ABCA5: variants seen among roughly 807,000 people sequenced by gnomAD.
ABCA5 encodes the protein cholesterol transporter ABCA5.
In ABCA5, 163 loss-of-function variants were observed where a neutral mutation model predicts 206.0. The ratio of observed to expected loss-of-function variants is 0.79; its 90% CI spans 0.70 to 0.90. ABCA5 has a LOEUF of 0.90. Among genes scored for constraint, ABCA5 ranks in the 40% least tolerant of loss-of-function variants. The pLI, the probability that ABCA5 is intolerant of heterozygous loss-of-function variation, is 0.00. For synonymous variants in ABCA5, 609 were observed against 613.8 expected (o/e 0.99, Z 0.11); for missense variants, 1,859 against 1,912.9 (o/e 0.97, Z 0.53).
chr17:69,277,408 T>G (rs1214488643), intron 19 of ABCA5, among the ~76,000 whole-genome samples: 1 of 152,200 alleles, frequency 6.6e-6, no homozygotes, highest in South Asian at 2.1e-4. Flanking sequence ...GGAATATTTG[T>G]TATTTCCTCA....
At chr17:69,290,065 A>G in intron 12 of ABCA5, 28 bp from the exon 13 acceptor site, 1 of 1,411,486 alleles carries the variant, frequency 7.1e-7, no homozygotes, top group Admixed American at 2.3e-5. Context: ...ATTTAAATGT[A>G]CATTAATTAT....
At chr17:69,316,591 C>A (rs1246783198) in intron 1 of ABCA5, among the ~76,000 whole-genome samples, 4 of 99,670 alleles carry the variant, frequency 4.0e-5, no homozygotes, top group Admixed American at 2.0e-4. Context: ...AGTATTAATG[C>A]TAAAAAAAAA....
intron 19 of ABCA5, among the ~76,000 whole-genome samples, chr17:69,275,354 A>C (rs11077445): frequency 0.4 from 60,041 of 151,968 alleles, 12,735 homozygotes; most frequent in Middle Eastern, 0.51. Flanking sequence ...TAAAATATCT[A>C]TATATCACAT....
intron 3 of ABCA5, among the ~76,000 whole-genome samples, chr17:69,310,183 T>G (rs1198902266): frequency 6.6e-6 from 1 of 152,206 alleles, no homozygotes; most frequent in African/African-American, 2.4e-5. Context: ...GGCTTTGTTC[T>G]GTTACCCAGC....
intron 18 of ABCA5, among the ~76,000 whole-genome samples, chr17:69,283,709 C>A (rs1175335899): frequency 2.0e-5 from 3 of 152,098 alleles, no homozygotes; most frequent in South Asian, 2.1e-4. Flanking sequence ...TCTCATTATA[C>A]AGGCCTCAGG....
At position 69,261,629 on chromosome 17, in the gene ABCA5, A is replaced by T; in HGVS notation, c.3429+6T>A. The T allele has an allele frequency of 8.3e-7, 1 of 1,200,032 alleles. No homozygotes were observed. The highest frequency in any genetic ancestry group is 1.2e-6 in the Non-Finnish European group (1 of 847,884). 74.3% of individuals were successfully genotyped at this position (1,200,032 alleles called of 1,614,324 possible). A position where few individuals can be genotyped will look rare whatever the true frequency, so the allele number is the denominator to read the frequency against. On this transcript the variant is annotated splice_donor_region_variant and intron_variant, in intron 25 of 38. Transcript: ENST00000392676. The stretch of plus-strand genomic sequence containing the variant: ...GAAAGTTGAAATAATGTAAAATGTG[A>T]CTTACCACAGAATAGATAAATGACC...
Position 69,297,376 on chromosome 17 carries a change from A to T in ABCA5, c.1268-17T>A. The T allele has an allele frequency of 6.3e-7, 1 of 1,576,238 alleles. No homozygotes were observed. Among genetic ancestry groups the T allele is most frequent in the Non-Finnish European group, 8.6e-7 (1 of 1,168,214 alleles). ...CAAATTCCCCTGAAAAATAAACATT[A>T]AAAAACTGAGTTACCATAATTAGTT... On this transcript the variant is annotated splice_polypyrimidine_tract_variant and intron_variant, in intron 9 of 38. Transcript: ENST00000392676.
At chr17:69,305,208 C>T (rs982429882) in intron 6 of ABCA5, among the ~76,000 whole-genome samples, 1 of 152,088 alleles carries the variant, frequency 6.6e-6, no homozygotes, top group Non-Finnish European at 1.5e-5. Flanking sequence ...CCTCTGATGG[C>T]TTCTGTAACT....
At chr17:69,250,323 GA>G (rs1254725006) in intron 36 of ABCA5, 148 bp downstream of exon 36, 3 of 584,468 alleles carry the variant, frequency 5.1e-6, no homozygotes, top group South Asian at 3.9e-5. Flanking sequence ...TCATATATAT[GA>G]AAAAATATAC....
chr17:69,282,527 T>C (rs142457026), intron 18 of ABCA5, among the ~76,000 whole-genome samples: 2,590 of 152,238 alleles, frequency 0.017, 73 homozygotes, highest in African/African-American at 0.058. Flanking sequence ...TCCTAGCACT[T>C]TGGGAGGCCA....
chr17:69,263,606 TAC>T (rs1205166848), intron 24 of ABCA5, among the ~76,000 whole-genome samples: 1 of 152,016 alleles, frequency 6.6e-6, no homozygotes, highest in East Asian at 1.9e-4. Context: ...TTTGTACCAA[TAC>T]CATGCTGTTT....
At chr17:69,264,568 A>C (rs1420351668) in intron 24 of ABCA5, among the ~76,000 whole-genome samples, 167 bp downstream of exon 24, 4 of 152,194 alleles carry the variant, frequency 2.6e-5, no homozygotes, top group Non-Finnish European at 5.9e-5. Context: ...TTTAAAAGTC[A>C]CTTATCATAT....
Position 69,294,674 on chromosome 17 carries a change from T to A in ABCA5, c.1476A>T (p.Glu492Asp). 6.2e-7 allele frequency: 1 copy of A among 1,607,460 alleles called. No homozygotes were observed. The highest frequency in any genetic ancestry group is 8.5e-7 in the Non-Finnish European group (1 of 1,175,474). The change falls in exon 11 of 39, where the codon GAA becomes GAT. Residue 492 changes from glutamate to aspartate, a missense_variant. Physicochemically the swap from Glu to Asp is conservative, Grantham distance 45. Coordinates refer to ENST00000392676, the MANE Select transcript of ABCA5 (RefSeq NM_172232.4). ...GIQKTYRKKGENVEALRNLSF... is the reference protein window; with the variant it reads ...GIQKTYRKKGDNVEALRNLSF... ...ACTTACTTCTCAAAGCCTCCACATTTTCACCCTTCTTTCTGTATGTCTTCT... is the reference window on the plus strand; with the variant it reads ...ACTTACTTCTCAAAGCCTCCACATTATCACCCTTCTTTCTGTATGTCTTCT...
At chr17:69,295,746 T>C (rs1390672864) in intron 10 of ABCA5, among the ~76,000 whole-genome samples, 1 of 152,202 alleles carries the variant, frequency 6.6e-6, no homozygotes, top group Non-Finnish European at 1.5e-5. Context: ...TAGACTAATA[T>C]CTATAAATAT....
intron 18 of ABCA5, among the ~76,000 whole-genome samples, chr17:69,282,642 G>A (rs531128031): frequency 9.0e-5 from 11 of 122,584 alleles, no homozygotes; most frequent in African/African-American, 1.8e-4. Flanking sequence ...GGTGGTGGGC[G>A]CCTGTAATCC....
chr17:69,262,998 C>T (rs1482010399), intron 24 of ABCA5, among the ~76,000 whole-genome samples: 1 of 152,168 alleles, frequency 6.6e-6, no homozygotes, highest in Admixed American at 6.5e-5. Flanking sequence ...TGATGTAGAG[C>T]ATTTTTTCAT....
intron 9 of ABCA5, among the ~76,000 whole-genome samples, chr17:69,299,363 C>T (rs2075625214): frequency 2.0e-5 from 3 of 152,038 alleles, no homozygotes; most frequent in African/African-American, 4.8e-5. Context: ...TACTTCCCCA[C>T]ACATGTTGAT....
In ABCA5 at chr17:69,264,725, G is replaced by A. The variant is rs770601868; in HGVS notation, c.3315+10C>T. On this transcript the variant is annotated intron_variant, in intron 24 of 38. Transcript: ENST00000392676. ...TATAAATAGCATGAGTACAACTAAC[G>A]TTAACTTACCACAGCAAGGAACTTT... 2.4e-5 allele frequency: 36 copies of A among 1,506,482 alleles called. No homozygotes were observed. The highest frequency in any genetic ancestry group is 2.0e-4 in the Admixed American group (9 of 45,066). The allele number at this position is 1,506,482 out of a possible 1,614,324, so 93.3% of individuals were successfully genotyped here.
chr17:69,313,814 G>C (rs2075792037), intron 2 of ABCA5, among the ~76,000 whole-genome samples: 1 of 152,102 alleles, frequency 6.6e-6, no homozygotes, highest in Admixed American at 6.6e-5. Flanking sequence ...TGTTTTACCA[G>C]TTTCAGGGAA....
Sources: allele counts gnomAD v4.1 joint callset (sites outside exome capture counted in the v4.1 genomes callset), GRCh38; gene constraint gnomAD v4.1.1; transcripts MANE v1.5; gene names NCBI Gene and HGNC (gene_info 2026-07-23, HGNC 2026-07-21).